Variants in SLC5A3 observed in about 807,000 individuals in gnomAD.
The protein encoded by SLC5A3 is solute carrier family 5 member 3, also known as sodium/myo-inositol cotransporter.
Under a neutral mutation model 43.2 loss-of-function variants are expected in SLC5A3, and 10 were observed. That is an observed-to-expected ratio of 0.23 (90% CI 0.14 to 0.39). The LOEUF (loss-of-function observed/expected upper bound fraction) is 0.39, where lower values mean the gene tolerates loss of function less well. Among genes scored for constraint, SLC5A3 ranks in the 10% least tolerant of loss-of-function variants. The pLI is 1.00. For synonymous variants in SLC5A3, 349 were observed against 322.0 expected, an observed-to-expected ratio of 1.08 and a Z score of -0.90; for missense variants, 608 against 893.4, an observed-to-expected ratio of 0.68 and a Z score of 4.07.
chr21:34,090,113 A>G (rs1453975329), intron 1 of SLC5A3, among the ~76,000 whole-genome samples: 2 of 152,116 alleles, frequency 1.3e-5, no homozygotes, highest in African/African-American at 2.4e-5. Context: ...CAGATTTTGT[A>G]TTTTTGCATT....
In SLC5A3 at chr21:34,103,315, T is replaced by TG. The variant is rs1979328899; in HGVS notation, c.*5960_*5961insG. ...ATTTTGTCGTAACTAGTGAAGGAAG[T>TG]AAAAAAAAAAAAAAAACATGCATTA... On this transcript the variant is annotated 3_prime_UTR_variant, in exon 2 of 2. Transcript: ENST00000381151. 9.5e-6 allele frequency: 8 copies of TG among 841,864 alleles called. No individual in the cohort carries two copies. The Admixed American group carries it at 5.2e-4, about 55-fold the overall frequency. The allele number at this position is 841,864 out of a possible 1,614,324, so 52.1% of individuals were successfully genotyped here.
At position 34,106,143 on chromosome 21, in the gene SLC5A3, A is replaced by G. The variant is rs2148663318; in HGVS notation, c.*8788A>G. 5.0e-6 allele frequency: 5 copies of G among 994,404 alleles called. No individual in the cohort carries two copies. The highest frequency in any genetic ancestry group is 2.3e-4 in the East Asian group (2 of 8,800). The allele number at this position is 994,404 out of a possible 1,614,324, so 61.6% of individuals were successfully genotyped here. On this transcript the variant is annotated 3_prime_UTR_variant, in exon 2 of 2. Transcript: ENST00000381151. The stretch of plus-strand genomic sequence containing the variant: ...AGTATTTGGAAACTTAAGATGAACT[A>G]CATTTCTTGCAAAGTACATTCCTTT...
chr21:34,075,748 T>C (rs2148650578), intron 1 of SLC5A3, among the ~76,000 whole-genome samples: 2 of 152,352 alleles, frequency 1.3e-5, no homozygotes, highest in Middle Eastern at 6.8e-3. Context: ...TATCTGTAGC[T>C]TGTAAATGTG....
chr21:34,086,286 C>T (rs1450790865), intron 1 of SLC5A3, among the ~76,000 whole-genome samples: 2 of 152,206 alleles, frequency 1.3e-5, no homozygotes, highest in Middle Eastern at 3.4e-3. Flanking sequence ...GGACACATGT[C>T]TGCATTTTAG....
At chr21:34,076,540 G>A (rs1236591233) in intron 1 of SLC5A3, among the ~76,000 whole-genome samples, 1 of 152,136 alleles carries the variant, frequency 6.6e-6, no homozygotes, top group Admixed American at 6.5e-5. Context: ...ATCTACTTTT[G>A]TACTTCCAAG....
At chr21:34,079,632 T>TA (rs1989415627) in intron 1 of SLC5A3, among the ~76,000 whole-genome samples, 1 of 85,268 alleles carries the variant, frequency 1.2e-5, no homozygotes, top group Non-Finnish European at 2.6e-5. Flanking sequence ...TTTTTTTTTT[T>TA]TAGTAGAGAT....
Position 34,096,035 on chromosome 21 carries a change from C to CT in SLC5A3, c.837_838insT (p.Gln280SerfsTer47). ...CTTCAGTATGGTACTGGTGTGCTGA[C>CT]CAAGTCATCGTGCAGAGGGTCCTTG... On this transcript the variant is annotated frameshift_variant, in exon 2 of 2. Coordinates refer to ENST00000381151, the MANE Select transcript of SLC5A3 (RefSeq NM_006933.7). LOFTEE classifies it high-confidence loss of function. This position sits in a 1 kb window ranked among gnomAD's most constrained non-coding sequence, Gnocchi z 5.9. 6.2e-7 allele frequency: 1 copy of CT among 1,614,104 alleles called. No homozygotes were observed. Among genetic ancestry groups the CT allele is most frequent in the Non-Finnish European group, 8.5e-7 (1 of 1,179,994 alleles).
At chr21:34,079,705 T>G (rs1989417681) in intron 1 of SLC5A3, among the ~76,000 whole-genome samples, 1 of 142,044 alleles carries the variant, frequency 7.0e-6, no homozygotes, top group Admixed American at 7.5e-5. Context: ...CGCTTTGGTC[T>G]CCCAAAGTGC....
chr21:34,085,600 C>CT (rs56135810), intron 1 of SLC5A3, among the ~76,000 whole-genome samples: 23,315 of 130,194 alleles, frequency 0.18, 2,454 homozygotes, highest in African/African-American at 0.21. Context: ...GAAATAAGGA[C>CT]TTTTTTTTTT....
rs1365701070 is a variant in SLC5A3 at position 34,104,024 on chromosome 21, GC to G, written c.*6676del. On this transcript the variant is annotated 3_prime_UTR_variant, in exon 2 of 2. Coordinates refer to ENST00000381151, the MANE Select transcript of SLC5A3 (RefSeq NM_006933.7). ...TTAGGAAATATTACCTCTTAACAGTGCCCCCCCAAACATGCAGAAAGTCATA... is the reference window on the plus strand; with the variant it reads ...TTAGGAAATATTACCTCTTAACAGTGCCCCCCAAACATGCAGAAAGTCATA... The G allele has an allele frequency of 4.0e-6, 4 of 999,654 alleles. No homozygotes were observed. Among genetic ancestry groups the G allele is most frequent in the African/African-American group, 1.8e-5 (1 of 57,100 alleles). The allele number at this position is 999,654 out of a possible 1,614,324, so 61.9% of individuals were successfully genotyped here.
At position 34,102,773 on chromosome 21, in the gene SLC5A3, A is replaced by AC; in HGVS notation, c.*5419dup. 13 of 1,000,078 alleles carry AC rather than the reference A, an allele frequency of 1.3e-5. No homozygotes were observed. Among genetic ancestry groups the AC allele is most frequent in the Non-Finnish European group, 1.6e-5 (13 of 829,854 alleles). 62.0% of individuals were successfully genotyped at this position (1,000,078 alleles called of 1,614,324 possible). ...GGGAACAGTGGTTTTGCTCTATACC[A>AC]CTGAAAAGCACTATAACATAATTGT... is the stretch of plus-strand genomic sequence containing the variant. On this transcript the variant is annotated 3_prime_UTR_variant, in exon 2 of 2. Coordinates refer to ENST00000381151, the MANE Select transcript of SLC5A3 (RefSeq NM_006933.7).
In SLC5A3 at chr21:34,097,227, C is replaced by T. The variant is rs1157968383; in HGVS notation, c.2029C>T (p.Leu677=). The T allele has an allele frequency of 6.2e-7, 1 of 1,613,978 alleles. No individual in the cohort carries two copies. The highest frequency in any genetic ancestry group is 1.7e-5 in the Admixed American group (1 of 60,000). The change falls in exon 2 of 2, where the codon CTG becomes TTG. Residue 677 remains leucine, a synonymous_variant. Transcript: ENST00000381151. ...CCTCAGCAAGAGGAGTCTCAGAGAC[C>T]TGATGGAAGAGGAGGCTGTTTGTTT... The part of the protein sequence containing the change: ...KSLSKRSLRD[L]MEEEAVCLQM...
chr21:34,101,412 C>CT lies in SLC5A3; in HGVS notation c.*4059dup. 3.0e-6 allele frequency: 3 copies of CT among 1,000,110 alleles called. No individual in the cohort carries two copies. Among genetic ancestry groups the CT allele is most frequent in the Non-Finnish European group, 3.6e-6 (3 of 829,928 alleles). 62.0% of individuals were successfully genotyped at this position (1,000,110 alleles called of 1,614,324 possible). A position where few individuals can be genotyped will look rare whatever the true frequency, so the allele number is the denominator to read the frequency against. ...AATTTAGTAGAAAAATGCTTTGAGG[C>CT]TTCAGTATTTGTAAGATTTTGCATT... is the stretch of plus-strand genomic sequence containing the variant. On this transcript the variant is annotated 3_prime_UTR_variant, in exon 2 of 2. Coordinates refer to ENST00000381151, the MANE Select transcript of SLC5A3 (RefSeq NM_006933.7).
chr21:34,096,792 C>G lies in SLC5A3; in HGVS notation c.1594C>G (p.Leu532Val). ...ACTCATTACTGTAATTGTGAGCCTT[C>G]TCACACCACCTCCCACAAAGGAACA... is the stretch of plus-strand genomic sequence containing the variant. ...TGLITVIVSL[L>V]TPPPTKEQIR... Residue 532 changes from leucine to valine, a missense_variant, in exon 2 of 2, where the codon CTC becomes GTC. Coordinates refer to ENST00000381151, the MANE Select transcript of SLC5A3 (RefSeq NM_006933.7). The surrounding 1 kb of genome is among the most constrained non-coding windows in gnomAD (Gnocchi z 5.9). The G allele has an allele frequency of 6.2e-7, 1 of 1,614,020 alleles. No individual in the cohort carries two copies. The highest frequency in any genetic ancestry group is 8.5e-7 in the Non-Finnish European group (1 of 1,179,980).
chr21:34,096,714 A>T lies in SLC5A3; in HGVS notation c.1516A>T (p.Ile506Phe), dbSNP rs774586769. 6.2e-7 allele frequency: 1 copy of T among 1,614,120 alleles called. No homozygotes were observed. The highest frequency in any genetic ancestry group is 2.2e-5 in the East Asian group (1 of 44,878). The change falls in exon 2 of 2, where the codon ATC becomes TTC. Residue 506 changes from isoleucine to phenylalanine, a missense_variant. Ile to Phe is a conservative substitution (Grantham distance 21). This residue lies in a region of SLC5A3 where 398 missense variants were observed against 668.6 expected (regional missense o/e 0.60). Coordinates refer to ENST00000381151, the MANE Select transcript of SLC5A3 (RefSeq NM_006933.7). This position sits in a 1 kb window ranked among gnomAD's most constrained non-coding sequence, Gnocchi z 5.9. ...CCAACCTGATAATAGGCCGGGCTTC[A>T]TCAAAGACATCCATTATATGTATGT... ...CDQPDNRPGFIKDIHYMYVAT... is the reference protein window; with the variant it reads ...CDQPDNRPGFFKDIHYMYVAT...
In SLC5A3 at chr21:34,096,902, A is replaced by G; in HGVS notation, c.1704A>G (p.Gln568=). The change falls in exon 2 of 2, where the codon CAA becomes CAG. Residue 568 remains glutamine, a synonymous_variant. Transcript: ENST00000381151. This position sits in a 1 kb window ranked among gnomAD's most constrained non-coding sequence, Gnocchi z 5.9. The part of the protein sequence containing the change: ...CSPKEEPYKM[Q]EKSILRCSEN... ...CAAAAGAGGAACCATACAAAATGCA[A>G]GAAAAGAGCATTCTGAGATGCAGTG... 1.2e-6 allele frequency: 2 copies of G among 1,614,148 alleles called. No individual in the cohort carries two copies. The highest frequency in any genetic ancestry group is 1.1e-5 in the South Asian group (1 of 91,082).
intron 1 of SLC5A3, among the ~76,000 whole-genome samples, chr21:34,085,722 C>T (rs749498744): frequency 2.0e-5 from 3 of 151,852 alleles, no homozygotes; most frequent in Non-Finnish European, 4.4e-5. Context: ...CCTGCCTCAG[C>T]CCCAGCTGGG....
chr21:34,081,640 G>C (rs1358352794), intron 1 of SLC5A3, among the ~76,000 whole-genome samples: 1 of 152,118 alleles, frequency 6.6e-6, no homozygotes, highest in Admixed American at 6.5e-5. Context: ...TAACCTTCTG[G>C]ATCCTCAGTT....
Position 34,099,879 on chromosome 21 carries a change from A to G in SLC5A3, c.*2524A>G, listed in dbSNP as rs2148660938. 1 of 374,068 alleles carries G rather than the reference A, an allele frequency of 2.7e-6. No homozygotes were observed. Among genetic ancestry groups the G allele is most frequent in the Non-Finnish European group, 3.9e-6 (1 of 258,166 alleles). 23.2% of individuals were successfully genotyped at this position (374,068 alleles called of 1,614,324 possible). ...TTGTCTTTCTTATTGCTTCCCAGTA[A>G]TAGATAATGTGCTCGAGTAAGTTTG... On this transcript the variant is annotated 3_prime_UTR_variant, in exon 2 of 2. Coordinates refer to ENST00000381151, the MANE Select transcript of SLC5A3 (RefSeq NM_006933.7).
Sources: gnomAD v4.1 joint callset for allele counts (sites outside exome capture counted in the v4.1 genomes callset) on GRCh38, gnomAD v4.1.1 for gene constraint, gnomAD v4.1.1 regional missense constraint, Gnocchi (gnomAD v3.1) non-coding constraint, MANE v1.5 for transcripts, NCBI Gene and HGNC (gene_info 2026-07-23, HGNC 2026-07-21) for gene names.